The following RORA variants were observed in gnomAD, a reference collection of about 807,000 sequenced individuals.
RORA encodes the protein nuclear receptor ROR-alpha.
A neutral mutation model predicts 69.5 loss-of-function variants in RORA; 7 were observed. That is an observed-to-expected ratio of 0.10 (90% CI 0.06 to 0.19). RORA has a LOEUF of 0.19. Among genes scored for constraint, RORA ranks in the 10% least tolerant of loss-of-function variants. The pLI is 1.00. For missense variants in RORA, 457 were observed against 663.0 expected, an observed-to-expected ratio of 0.69 and a Z score of 3.41; for synonymous variants, 261 against 240.8, an observed-to-expected ratio of 1.08 and a Z score of -0.78.
intron 1 of RORA, among the ~76,000 whole-genome samples, chr15:61,035,690 T>C (rs1005521671): frequency 1.8e-4 from 28 of 152,170 alleles, no homozygotes; most frequent in African/African-American, 6.8e-4. Context: ...ATGTCATTTT[T>C]AAAAATGGTC....
intron 1 of RORA, among the ~76,000 whole-genome samples, chr15:60,728,551 C>T (rs1346586722): frequency 6.6e-6 from 1 of 152,080 alleles, no homozygotes; most frequent in Non-Finnish European, 1.5e-5. Flanking sequence ...TCCAAAATAC[C>T]TACAGAGACA....
intron 2 of RORA, among the ~76,000 whole-genome samples, chr15:60,618,629 G>A (rs1200743405): frequency 1.3e-5 from 2 of 152,094 alleles, no homozygotes; most frequent in Non-Finnish European, 2.9e-5. Context: ...GGATACATAG[G>A]TAACATGTTC....
intron 1 of RORA, among the ~76,000 whole-genome samples, chr15:60,730,271 G>A (rs1034505831): frequency 5.3e-5 from 8 of 152,166 alleles, no homozygotes; most frequent in Non-Finnish European, 7.3e-5. Context: ...CATGACACTC[G>A]GATGTGACTG....
intron 1 of RORA, among the ~76,000 whole-genome samples, chr15:61,127,443 A>C (rs2140834432): frequency 6.6e-6 from 1 of 152,352 alleles, no homozygotes; most frequent in South Asian, 2.1e-4. Flanking sequence ...TGATGTTCAC[A>C]CCTTTTCGGC....
Position 61,006,644 on chromosome 15 carries a change from T to C in RORA, c.166+222409A>G, listed in dbSNP as rs78530115. 3.3e-3 allele frequency among the ~76,000 whole-genome samples: 508 copies of C among 152,258 alleles called. 5 individuals carry two copies. The highest frequency in any genetic ancestry group is 0.012 in the African/African-American group (479 of 41,544). On this transcript the variant is annotated intron_variant, in intron 1 of 10. Transcript: ENST00000335670. The stretch of plus-strand genomic sequence containing the variant: ...TCTGCCAGCCTCTGAAAGACACCAA[T>C]TCCAGCAGTGGTATTCTCCAGACTC...
intron 1 of RORA, among the ~76,000 whole-genome samples, chr15:61,146,265 A>C (rs538802905): frequency 6.6e-6 from 1 of 152,298 alleles, no homozygotes; most frequent in East Asian, 1.9e-4. Context: ...AGACCCTTCA[A>C]TAGAAATTGC....
At position 60,514,659 on chromosome 15, in the gene RORA, G is replaced by A. The variant is rs769854418; in HGVS notation, c.381C>T (p.His127=). ...IDRTSRNRCQ[H]CRLQKCLAVG... ...CGGCAAGGCATTTCTGTAATCGACA[G>A]TGTTGGCAGCGGTTTCTACTGGTTC... Residue 127 remains histidine (H), a synonymous_variant, in exon 4 of 11, where the codon CAC becomes CAT. Transcript: ENST00000335670. 6.2e-7 allele frequency: 1 copy of A among 1,614,198 alleles called. No homozygotes were observed. Among genetic ancestry groups the A allele is most frequent in the Non-Finnish European group, 8.5e-7 (1 of 1,180,000 alleles).
At chr15:60,912,143 G>A (rs1342027964) in intron 1 of RORA, among the ~76,000 whole-genome samples, 1 of 151,964 alleles carries the variant, frequency 6.6e-6, no homozygotes. Context: ...AGGTGCAGTG[G>A]CTCACGCCTA....
At chr15:61,040,641 C>CT (rs1381066990) in intron 1 of RORA, among the ~76,000 whole-genome samples, 7 of 151,880 alleles carry the variant, frequency 4.6e-5, no homozygotes, top group African/African-American at 7.3e-5. Context: ...AAATACAGTT[C>CT]TTTTTTTGCC....
At chr15:60,533,968 A>C (rs972094660) in intron 2 of RORA, among the ~76,000 whole-genome samples, 9 of 152,230 alleles carry the variant, frequency 5.9e-5, no homozygotes, top group Admixed American at 3.3e-4. Flanking sequence ...AGTTATCTTC[A>C]TTCCATCTTA....
chr15:60,813,777 T>G (rs925176519), intron 1 of RORA, among the ~76,000 whole-genome samples: 5 of 152,238 alleles, frequency 3.3e-5, no homozygotes, highest in African/African-American at 1.2e-4. Context: ...TGTGTTGCCT[T>G]ATTTTATCTT....
At chr15:61,104,262 A>G (rs2078920432) in intron 1 of RORA, among the ~76,000 whole-genome samples, 1 of 152,200 alleles carries the variant, frequency 6.6e-6, no homozygotes, top group Non-Finnish European at 1.5e-5. Flanking sequence ...AACGGAGAAA[A>G]TTAACAAACG....
intron 2 of RORA, among the ~76,000 whole-genome samples, chr15:60,646,379 C>A (rs1432604129): frequency 6.6e-6 from 1 of 152,174 alleles, no homozygotes; most frequent in Non-Finnish European, 1.5e-5. Flanking sequence ...TTCTATATTT[C>A]TCCAGATATC....
chr15:60,570,260 C>T (rs896369762), intron 2 of RORA, among the ~76,000 whole-genome samples: 2 of 152,010 alleles, frequency 1.3e-5, no homozygotes, highest in African/African-American at 2.4e-5. Flanking sequence ...TATATGGTAC[C>T]GTATTAACAA....
intron 1 of RORA, among the ~76,000 whole-genome samples, chr15:60,895,006 T>C (rs575778919): frequency 2.0e-5 from 3 of 152,296 alleles, no homozygotes; most frequent in Admixed American, 6.5e-5. Flanking sequence ...ATAATGCCTG[T>C]CTGAGCAAAA....
intron 2 of RORA, chr15:60,546,316 G>T (rs1262654252): frequency 2.6e-5 from 4 of 152,198 alleles, no homozygotes; most frequent in African/African-American, 9.6e-5. Flanking sequence ...TCTATTGAGA[G>T]AGTAATTGTT....
Position 60,614,824 on chromosome 15 carries a change from T to C in RORA, c.196+63833A>G, listed in dbSNP as rs1477027593. 9.9e-6 allele frequency: 12 copies of C among 1,217,210 alleles called. No individual in the cohort carries two copies. The African/African-American group carries it at 1.8e-4, about 18-fold the overall frequency. The allele number at this position is 1,217,210 out of a possible 1,614,324, so 75.4% of individuals were successfully genotyped here. On this transcript the variant is annotated intron_variant, in intron 2 of 10. Coordinates refer to ENST00000335670, the MANE Select transcript of RORA (RefSeq NM_134261.3). ...TTAAATGAGATTATACACACGCACATGCAGACAGACACTGACATGCTTACA... is the reference window on the plus strand; with the variant it reads ...TTAAATGAGATTATACACACGCACACGCAGACAGACACTGACATGCTTACA...
In RORA at chr15:61,147,134, A is replaced by G. The variant is rs2079357101; in HGVS notation, c.166+81919T>C. Among the ~76,000 whole-genome samples, 1 of 152,148 alleles carries G rather than the reference A, an allele frequency of 6.6e-6. No homozygotes were observed. Among genetic ancestry groups the G allele is most frequent in the Admixed American group, 6.5e-5 (1 of 15,280 alleles). On this transcript the variant is annotated intron_variant, in intron 1 of 10. Transcript: ENST00000335670. This position sits in a 1 kb window ranked among gnomAD's most constrained non-coding sequence, Gnocchi z 4.1. The stretch of plus-strand genomic sequence containing the variant: ...TTAGATTTTGGCAGATGCCTCATGC[A>G]TTCTGGCCATTTTCGGGCTTATTTT...
chr15:61,076,024 C>T (rs1284880310), intron 1 of RORA, among the ~76,000 whole-genome samples: 1 of 152,182 alleles, frequency 6.6e-6, no homozygotes, highest in African/African-American at 2.4e-5. Flanking sequence ...TTCCTCAAAG[C>T]TTAGTCCCCG....
Sources: allele counts gnomAD v4.1 joint callset (sites outside exome capture counted in the v4.1 genomes callset), GRCh38; gene constraint gnomAD v4.1.1; non-coding constraint Gnocchi (gnomAD v3.1); transcripts MANE v1.5; gene names NCBI Gene and HGNC (gene_info 2026-07-23, HGNC 2026-07-21).